The following GLIS1 variants were observed in gnomAD, a reference collection of about 807,000 sequenced individuals.
GLIS1 encodes zinc finger protein GLIS1.
In GLIS1, 24 loss-of-function variants were observed where a neutral mutation model predicts 63.8. The observed-to-expected ratio is 0.38, with a 90% CI of 0.27 to 0.53. The LOEUF (loss-of-function observed/expected upper bound fraction) is 0.53. Among genes scored for constraint, GLIS1 ranks in the 20% least tolerant of loss-of-function variants. The pLI, the probability that GLIS1 is intolerant of heterozygous loss-of-function variation, is 0.85. For missense variants in GLIS1, 1,036 were observed against 1,074.1 expected (o/e 0.96, Z 0.50); for synonymous variants, 450 against 482.5 (o/e 0.93, Z 0.88).
At chr1:53,709,387 T>C (rs955379131) in intron 2 of GLIS1, among the ~76,000 whole-genome samples, 1 of 39,284 alleles carries the variant, frequency 2.5e-5, no homozygotes, top group East Asian at 8.4e-4. Context: ...CATATATACA[T>C]ATATATACAT....
At chr1:53,685,477 G>A (rs1005784487) in intron 2 of GLIS1, among the ~76,000 whole-genome samples, 28 of 152,286 alleles carry the variant, frequency 1.8e-4, no homozygotes, top group African/African-American at 6.3e-4. Context: ...GAGCCTAATC[G>A]ACCCTGGCTT....
chr1:53,702,885 C>T (rs1298491913), intron 2 of GLIS1, among the ~76,000 whole-genome samples: 10 of 152,208 alleles, frequency 6.6e-5, no homozygotes, highest in Non-Finnish European at 1.2e-4. Context: ...GAGCATGGCA[C>T]TGAAGGCCAC....
intron 2 of GLIS1, among the ~76,000 whole-genome samples, chr1:53,633,663 G>A (rs1335875051): frequency 6.6e-6 from 1 of 152,052 alleles, no homozygotes; most frequent in African/African-American, 2.4e-5. Flanking sequence ...TCAACACTGC[G>A]TGTGTCAATC....
intron 2 of GLIS1, among the ~76,000 whole-genome samples, chr1:53,664,046 G>A (rs960058654): frequency 6.6e-6 from 1 of 152,138 alleles, no homozygotes; most frequent in Non-Finnish European, 1.5e-5. Context: ...CAGAAAATGA[G>A]GGCAACCCAG....
At chr1:53,697,389 C>A (rs892359361) in intron 2 of GLIS1, among the ~76,000 whole-genome samples, 18 of 152,170 alleles carry the variant, frequency 1.2e-4, no homozygotes, top group African/African-American at 4.3e-4. Flanking sequence ...CATGCAGTTC[C>A]TCCCCACCGT....
chr1:53,673,555 C>T (rs1248224225), intron 2 of GLIS1, among the ~76,000 whole-genome samples: 2 of 152,202 alleles, frequency 1.3e-5, no homozygotes, highest in African/African-American at 4.8e-5. Flanking sequence ...CCTACTACTC[C>T]CCGAGCTTCT....
chr1:53,528,277 C>T (rs1272718510), intron 5 of GLIS1, among the ~76,000 whole-genome samples: 1 of 152,180 alleles, frequency 6.6e-6, no homozygotes, highest in East Asian at 1.9e-4. Context: ...GGGGATGGGG[C>T]CCTTCCTTGC....
At chr1:53,509,047 C>T (rs1054150923) in intron 10 of GLIS1, 73 bp downstream of exon 10, 49 of 1,394,970 alleles carry the variant, frequency 3.5e-5, no homozygotes, top group South Asian at 2.3e-4. Context: ...CAGGACAGCA[C>T]GTATGCAGCA....
chr1:53,622,427 C>CAAAAA (rs60923620), intron 2 of GLIS1, among the ~76,000 whole-genome samples: 7,141 of 130,164 alleles, frequency 0.055, 391 homozygotes, highest in South Asian at 0.077. Flanking sequence ...GACTATGTCT[C>CAAAAA]AAAAAAAAAA....
chr1:53,699,209 C>T (rs1273584978), intron 2 of GLIS1, among the ~76,000 whole-genome samples: 1 of 152,018 alleles, frequency 6.6e-6, no homozygotes, highest in Non-Finnish European at 1.5e-5. Flanking sequence ...GGACTACAGG[C>T]ACGCACCAAC....
chr1:53,604,086 A>G (rs1037059902), intron 2 of GLIS1, among the ~76,000 whole-genome samples: 8 of 152,290 alleles, frequency 5.3e-5, no homozygotes, highest in Non-Finnish European at 7.3e-5. Flanking sequence ...ACAAATGAGA[A>G]TATGAACACA....
chr1:53,661,636 G>A (rs12743048), intron 2 of GLIS1, among the ~76,000 whole-genome samples: 4 of 152,130 alleles, frequency 2.6e-5, no homozygotes, highest in Non-Finnish European at 5.9e-5. Context: ...CTAGAAAGGC[G>A]CTGACTCCTT....
intron 2 of GLIS1, among the ~76,000 whole-genome samples, chr1:53,718,996 T>A (rs1408119900): frequency 6.6e-6 from 1 of 152,078 alleles, no homozygotes; most frequent in Non-Finnish European, 1.5e-5. Context: ...TTCTGTGGGG[T>A]CCTAGGGAGC....
Position 53,600,269 on chromosome 1 carries a change from C to G in GLIS1, c.269G>C (p.Ser90Thr), listed in dbSNP as rs1645303025. The part of the protein sequence containing the change: ...KAAAAGKVNG[S>T]YGHRTPGSEK... The stretch of plus-strand genomic sequence containing the variant: ...TGAGCCCGGGGTACGGTGTCCGTAG[C>G]TCCCATTCACTAGGCAGAGAAAGAC... Residue 90 changes from serine to threonine, a missense_variant, in exon 3 of 11, where the codon AGC becomes ACC. By Grantham distance (58) the Ser-to-Thr change is moderately conservative (BLOSUM62 1). This residue lies in a region of GLIS1 where 592 missense variants were observed against 593.9 expected (regional missense o/e 1.00). Coordinates refer to ENST00000628545, the MANE Select transcript of GLIS1 (RefSeq NM_001367484.1). 1 of 1,231,876 alleles carries G rather than the reference C, an allele frequency of 8.1e-7. No homozygotes were observed. The highest frequency in any genetic ancestry group is 1.6e-5 in the African/African-American group (1 of 64,408). The allele number at this position is 1,231,876 out of a possible 1,614,324, so 76.3% of individuals were successfully genotyped here.
chr1:53,512,569 A>C (rs560095521), intron 8 of GLIS1, among the ~76,000 whole-genome samples: 1 of 151,496 alleles, frequency 6.6e-6, no homozygotes, highest in Non-Finnish European at 1.5e-5. Flanking sequence ...CCCTTTCCCC[A>C]CTCTCTTCTC....
chr1:53,570,115 CTTT>C (rs1344916430), intron 4 of GLIS1, among the ~76,000 whole-genome samples: 1 of 151,820 alleles, frequency 6.6e-6, no homozygotes, highest in African/African-American at 2.4e-5. Context: ...TTCTCTCTTT[CTTT>C]TTTTATTATT....
At chr1:53,568,675 G>C (rs896025846) in intron 4 of GLIS1, among the ~76,000 whole-genome samples, 8 of 152,096 alleles carry the variant, frequency 5.3e-5, no homozygotes, top group African/African-American at 1.7e-4. Flanking sequence ...TAGTGAGTGA[G>C]TCCTCACAAG....
chr1:53,698,677 C>T (rs1263855941), intron 2 of GLIS1, among the ~76,000 whole-genome samples: 1 of 152,230 alleles, frequency 6.6e-6, no homozygotes, highest in African/African-American at 2.4e-5. Context: ...AAGAGAGCCA[C>T]TTCCTGAAAG....
intron 2 of GLIS1, among the ~76,000 whole-genome samples, chr1:53,630,907 G>A (rs1372054190): frequency 6.6e-6 from 1 of 152,196 alleles, no homozygotes; most frequent in African/African-American, 2.4e-5. Flanking sequence ...GAGCTTTATA[G>A]CTAGTGGGGG....
Sources: gnomAD v4.1 joint callset for allele counts (sites outside exome capture counted in the v4.1 genomes callset) on GRCh38, gnomAD v4.1.1 for gene constraint, gnomAD v4.1.1 regional missense constraint, MANE v1.5 for transcripts, NCBI Gene and HGNC (gene_info 2026-07-23, HGNC 2026-07-21) for gene names.